HPSE2: variants seen among roughly 807,000 people sequenced by gnomAD.
HPSE2 encodes inactive heparanase-2.
A neutral mutation model predicts 60.5 loss-of-function variants in HPSE2; 38 were observed. The observed-to-expected ratio is 0.63, with a 90% CI of 0.48 to 0.82. The LOEUF (loss-of-function observed/expected upper bound fraction) is 0.82. HPSE2 is among the 40% of genes least tolerant of loss of function. The pLI is 0.00. For missense variants in HPSE2, 713 were observed against 740.4 expected (o/e 0.96, Z 0.43); for synonymous variants, 295 against 293.2 (o/e 1.01, Z -0.06).
At chr10:98,832,360 C>T (rs1304325918) in intron 3 of HPSE2, among the ~76,000 whole-genome samples, 2 of 152,142 alleles carry the variant, frequency 1.3e-5, no homozygotes, top group African/African-American at 4.8e-5. Context: ...GGTCTGGGTT[C>T]AATCTCTTGT....
At chr10:98,722,483 T>G (rs747910370) in intron 4 of HPSE2, among the ~76,000 whole-genome samples, 2 of 152,096 alleles carry the variant, frequency 1.3e-5, no homozygotes, top group Non-Finnish European at 2.9e-5. Flanking sequence ...AAGCAATTTT[T>G]GTTGTTTTAA....
At chr10:99,216,188 C>T (rs201436615) in intron 2 of HPSE2, among the ~76,000 whole-genome samples, 49 of 97,642 alleles carry the variant, frequency 5.0e-4, no homozygotes, top group Middle Eastern at 9.6e-3. Context: ...ATAACCTAAA[C>T]TTTTTTTTTT....
rs140003442 is a variant in HPSE2 at position 99,058,881 on chromosome 10, T to C, written c.610+85357A>G. Among the ~76,000 whole-genome samples the C allele has an allele frequency of 1.5e-3, 235 of 152,296 alleles. 1 individual carries two copies. The East Asian group carries it at 0.032, about 21-fold the overall frequency. ...GGAAAGAAATTCTGCCTCAGTCTGC[T>C]ACCCACCTTTTTGGAGGGGAGATAG... On this transcript the variant is annotated intron_variant, in intron 3 of 11. Coordinates refer to ENST00000370552, the MANE Select transcript of HPSE2 (RefSeq NM_021828.5).
intron 3 of HPSE2, among the ~76,000 whole-genome samples, chr10:98,906,821 G>A (rs10786485): frequency 6.6e-6 from 1 of 151,402 alleles, no homozygotes; most frequent in Non-Finnish European, 1.5e-5. Context: ...GGAGAATCAC[G>A]TGAACCTGGG....
At chr10:98,675,385 T>G (rs193289531) in intron 6 of HPSE2, among the ~76,000 whole-genome samples, 21 of 152,222 alleles carry the variant, frequency 1.4e-4, no homozygotes, top group African/African-American at 5.1e-4. Context: ...TCCAGACTAG[T>G]GCAATACTTG....
intron 6 of HPSE2, among the ~76,000 whole-genome samples, chr10:98,678,176 T>C (rs1589623379): frequency 6.6e-6 from 1 of 152,154 alleles, no homozygotes; most frequent in African/African-American, 2.4e-5. Context: ...GAAAATTAGA[T>C]GACTTGAAAC....
intron 3 of HPSE2, among the ~76,000 whole-genome samples, chr10:98,746,253 T>C (rs72842315): frequency 0.015 from 2,281 of 152,280 alleles, 31 homozygotes; most frequent in African/African-American, 0.03. Flanking sequence ...TTAAAATGCA[T>C]TTATAGCTTA....
At chr10:98,681,693 C>G (rs761740766) in intron 6 of HPSE2, among the ~76,000 whole-genome samples, 2 of 152,094 alleles carry the variant, frequency 1.3e-5, no homozygotes, top group African/African-American at 2.4e-5. Context: ...TATTCTTAAA[C>G]CAACCAAAAT....
intron 3 of HPSE2, among the ~76,000 whole-genome samples, chr10:98,831,785 G>A (rs1341221182): frequency 6.6e-6 from 1 of 152,212 alleles, no homozygotes; most frequent in Non-Finnish European, 1.5e-5. Context: ...AGGTGATTCT[G>A]ATGCAGGTGA....
intron 9 of HPSE2, among the ~76,000 whole-genome samples, chr10:98,591,431 CA>C (rs1374536378): frequency 6.6e-6 from 1 of 152,090 alleles, no homozygotes; most frequent in African/African-American, 2.4e-5. Context: ...GGGAGGCTGA[CA>C]GGGGCAGATC....
intron 3 of HPSE2, among the ~76,000 whole-genome samples, chr10:99,065,591 A>C (rs1382592643): frequency 6.6e-6 from 1 of 152,218 alleles, no homozygotes; most frequent in Non-Finnish European, 1.5e-5. Context: ...AACAGGCATA[A>C]AATTACATAA....
intron 5 of HPSE2, among the ~76,000 whole-genome samples, chr10:98,698,926 C>T (rs1948318468): frequency 6.6e-6 from 1 of 152,276 alleles, no homozygotes; most frequent in South Asian, 2.1e-4. Context: ...ATACACCCTC[C>T]CAAGACTAAA....
At chr10:98,604,552 C>T (rs751332562) in intron 9 of HPSE2, among the ~76,000 whole-genome samples, 8 of 151,916 alleles carry the variant, frequency 5.3e-5, no homozygotes, top group South Asian at 2.1e-4. Flanking sequence ...AGAAAGGAAT[C>T]GAAGAAATAA....
intron 3 of HPSE2, among the ~76,000 whole-genome samples, chr10:99,050,228 G>A (rs1039499243): frequency 6.6e-6 from 1 of 152,028 alleles, no homozygotes; most frequent in African/African-American, 2.4e-5. Context: ...CCTGAGCCCA[G>A]GAGTCTGAGG....
intron 9 of HPSE2, among the ~76,000 whole-genome samples, chr10:98,525,211 A>G (rs542103132): frequency 6.6e-6 from 1 of 152,242 alleles, no homozygotes; most frequent in South Asian, 2.1e-4. Flanking sequence ...GGGTTTCACT[A>G]TGTTGCCCAG....
chr10:98,768,105 C>T (rs535978442), intron 3 of HPSE2, among the ~76,000 whole-genome samples: 142 of 151,998 alleles, frequency 9.3e-4, no homozygotes, highest in African/African-American at 3.2e-3. Context: ...AATACTCAGG[C>T]AGGTTTAAAT....
At chr10:98,798,033 C>T (rs1452819018) in intron 3 of HPSE2, among the ~76,000 whole-genome samples, 2 of 151,942 alleles carry the variant, frequency 1.3e-5, no homozygotes, top group East Asian at 3.9e-4. Flanking sequence ...AATAATCAAG[C>T]TCCCAAAGGT....
intron 6 of HPSE2, among the ~76,000 whole-genome samples, chr10:98,685,860 T>C (rs1947902510): frequency 6.6e-6 from 1 of 152,238 alleles, no homozygotes; most frequent in Non-Finnish European, 1.5e-5. Flanking sequence ...TGCAGGATTT[T>C]AAGAATTTTA....
At chr10:99,201,247 T>C (rs894815882) in intron 2 of HPSE2, among the ~76,000 whole-genome samples, 8 of 152,074 alleles carry the variant, frequency 5.3e-5, no homozygotes, top group African/African-American at 9.7e-5. Context: ...CCATATCCTG[T>C]CAATTTTTCC....
Sources: gnomAD v4.1 joint callset for allele counts (sites outside exome capture counted in the v4.1 genomes callset) on GRCh38, gnomAD v4.1.1 for gene constraint, MANE v1.5 for transcripts, NCBI Gene and HGNC (gene_info 2026-07-23, HGNC 2026-07-21) for gene names.